The following SPATS2 variants were observed in gnomAD, a reference collection of about 807,000 sequenced individuals.
SPATS2 encodes spermatogenesis-associated serine-rich protein 2.
A neutral mutation model predicts 63.7 loss-of-function variants in SPATS2; 38 were observed. The ratio of observed to expected loss-of-function variants is 0.60; its 90% CI spans 0.46 to 0.78. SPATS2 has a LOEUF of 0.78. Among genes scored for constraint, SPATS2 ranks in the 30% least tolerant of loss-of-function variants. SPATS2 has a pLI of 0.00. For synonymous variants in SPATS2, 207 were observed against 232.9 expected (o/e 0.89, Z 1.01); for missense variants, 588 against 666.2 (o/e 0.88, Z 1.29).
chr12:49,517,015 G>A (rs1946862514), intron 10 of SPATS2, among the ~76,000 whole-genome samples: 1 of 152,160 alleles, frequency 6.6e-6, no homozygotes, highest in South Asian at 2.1e-4. Context: ...TGATAGGTTT[G>A]TAGTATTTCA....
intron 9 of SPATS2, among the ~76,000 whole-genome samples, chr12:49,512,553 GA>G (rs549736279): frequency 1.9e-4 from 28 of 149,344 alleles, no homozygotes; most frequent in Admixed American, 1.3e-3. Flanking sequence ...TTCTCACAGG[GA>G]AAAAAAAATG....
chr12:49,478,225 T>G (rs544441933), intron 3 of SPATS2, among the ~76,000 whole-genome samples: 1 of 152,254 alleles, frequency 6.6e-6, no homozygotes, highest in East Asian at 1.9e-4. Flanking sequence ...GCGATACTCC[T>G]ATCTTGGCCT....
intron 2 of SPATS2, among the ~76,000 whole-genome samples, chr12:49,387,306 G>A (rs1012891447): frequency 5.3e-5 from 8 of 151,778 alleles, no homozygotes; most frequent in African/African-American, 1.7e-4. Flanking sequence ...ACATGGAGAC[G>A]GAACTAGAGA....
chr12:49,457,108 C>A (rs1000744020), intron 2 of SPATS2, among the ~76,000 whole-genome samples: 5 of 151,800 alleles, frequency 3.3e-5, no homozygotes, highest in Non-Finnish European at 7.4e-5. Context: ...TTGAATTCAA[C>A]TTGAATTCAA....
intron 6 of SPATS2, among the ~76,000 whole-genome samples, chr12:49,493,176 T>C (rs985390274): frequency 6.6e-6 from 1 of 152,030 alleles, no homozygotes; most frequent in Non-Finnish European, 1.5e-5. Flanking sequence ...TCAATCATGT[T>C]TCTGCTGGAG....
intron 2 of SPATS2, among the ~76,000 whole-genome samples, chr12:49,434,093 G>A (rs544526401): frequency 1.3e-5 from 2 of 152,212 alleles, no homozygotes; most frequent in South Asian, 4.1e-4. Context: ...GACCATATAT[G>A]TGAGGATTTA....
At chr12:49,421,199 C>T (rs1320751368) in intron 2 of SPATS2, among the ~76,000 whole-genome samples, 2 of 152,034 alleles carry the variant, frequency 1.3e-5, no homozygotes, top group African/African-American at 4.8e-5. Context: ...GCGGGCGGAT[C>T]ATGAGGTCAG....
rs113979672 is a variant in SPATS2 at position 49,429,786 on chromosome 12, CTT to C, written c.-243-30969_-243-30968del. ...TTTAGGTCTTTCTCTTCTTCTTCTT[CTT>C]TTTTTTTTTTTTTTGAGAGTCTCAC... On this transcript the variant is annotated intron_variant, in intron 2 of 13. Coordinates refer to ENST00000552918, the MANE Select transcript of SPATS2 (RefSeq NM_023071.4). Among the ~76,000 whole-genome samples, 274 of 126,506 alleles carry C rather than the reference CTT, an allele frequency of 2.2e-3. 5 individuals carry two copies. The highest frequency in any genetic ancestry group is 7.2e-3 in the African/African-American group (240 of 33,144). The allele number at this position is 126,506 out of a possible 152,430, so 83.0% of individuals were successfully genotyped here.
chr12:49,475,124 C>T (rs1203687621), intron 3 of SPATS2, among the ~76,000 whole-genome samples: 2 of 152,056 alleles, frequency 1.3e-5, no homozygotes, highest in Non-Finnish European at 2.9e-5. Context: ...GGACGCAGAG[C>T]CAAACCATAT....
chr12:49,468,714 T>A (rs1227165042), intron 3 of SPATS2, among the ~76,000 whole-genome samples: 1 of 150,342 alleles, frequency 6.7e-6, no homozygotes, highest in Non-Finnish European at 1.5e-5. Flanking sequence ...TTGGCTCACA[T>A]GATCCACCTG....
chr12:49,497,357 CCAA>C (rs1384211174), intron 8 of SPATS2, among the ~76,000 whole-genome samples: 2 of 151,806 alleles, frequency 1.3e-5, no homozygotes, highest in African/African-American at 4.8e-5. Flanking sequence ...TCTGGTTGAC[CCAA>C]CAAGTAAAAG....
chr12:49,469,567 AAAAAC>A (rs1024814151), intron 3 of SPATS2: 1 of 431,356 alleles, frequency 2.3e-6, no homozygotes, highest in African/African-American at 2.1e-5. Context: ...AAAAAAAAGA[AAAAAC>A]AAAGTAAAAT....
At chr12:49,370,783 A>C (rs1943983724) in intron 1 of SPATS2, among the ~76,000 whole-genome samples, 1 of 151,928 alleles carries the variant, frequency 6.6e-6, no homozygotes, top group South Asian at 2.1e-4. Flanking sequence ...ACTCCCCCCC[A>C]ACCTCCTCCC....
At chr12:49,443,622 GCCATTTGGGTCTGTGAT>G (rs1420642865) in intron 2 of SPATS2, among the ~76,000 whole-genome samples, 2 of 151,426 alleles carry the variant, frequency 1.3e-5, no homozygotes, top group Non-Finnish European at 2.9e-5. Context: ...TACAGTTTTA[GCCATTTGGGTCTGTGAT>G]CCATTTTGAG....
At chr12:49,499,953 A>T in intron 8 of SPATS2, 117 bp from the exon 9 acceptor site, 1 of 792,006 alleles carries the variant, frequency 1.3e-6, no homozygotes, top group Non-Finnish European at 1.7e-6. Context: ...GAAGGTGGTT[A>T]TTTAGGAAAG....
At chr12:49,486,032 T>G (rs1009354443) in intron 4 of SPATS2, among the ~76,000 whole-genome samples, 24 of 152,170 alleles carry the variant, frequency 1.6e-4, no homozygotes, top group Admixed American at 7.9e-4. Flanking sequence ...GTGCTGGGAT[T>G]ATAGGCGTGA....
At position 49,442,785 on chromosome 12, in the gene SPATS2, T is replaced by TAAAAAAAAA. The variant is rs1945442679; in HGVS notation, c.-243-17985_-243-17984insAAAAAAAAA. On this transcript the variant is annotated intron_variant, in intron 2 of 13. Coordinates refer to ENST00000552918, the MANE Select transcript of SPATS2 (RefSeq NM_023071.4). ...GGCAACAGAGAGAGACCATGTCTCCTTAAAAAAAAAAAAAAAAAAAAAAAA... is the reference window on the plus strand; with the variant it reads ...GGCAACAGAGAGAGACCATGTCTCCTAAAAAAAAATAAAAAAAAAAAAAAAAAAAAAAAA... The TAAAAAAAAA allele has an allele frequency of 1.7e-4, 11 of 62,916 alleles. 2 individuals carry two copies. The highest frequency in any genetic ancestry group is 9.2e-4 in the South Asian group (1 of 1,084). The allele number at this position is 62,916 out of a possible 1,614,324, so 3.9% of individuals were successfully genotyped here.
intron 3 of SPATS2, among the ~76,000 whole-genome samples, chr12:49,474,552 A>G (rs1173957994): frequency 1.3e-5 from 2 of 152,366 alleles, no homozygotes; most frequent in African/African-American, 2.4e-5. Flanking sequence ...GTCTTTTATA[A>G]CAACAAACAA....
At chr12:49,380,800 G>A (rs1343896677) in intron 2 of SPATS2, among the ~76,000 whole-genome samples, 1 of 151,304 alleles carries the variant, frequency 6.6e-6, no homozygotes, top group Non-Finnish European at 1.5e-5. Context: ...GAACATTCAT[G>A]TATAGTATTT....
Sources: allele counts gnomAD v4.1 joint callset (sites outside exome capture counted in the v4.1 genomes callset), GRCh38; gene constraint gnomAD v4.1.1; transcripts MANE v1.5; gene names NCBI Gene and HGNC (gene_info 2026-07-23, HGNC 2026-07-21).